The following NCOA4 variants were observed in gnomAD, a reference collection of about 807,000 sequenced individuals.
The protein encoded by NCOA4 is 70 kDa AR-activator.
A neutral mutation model predicts 69.5 loss-of-function variants in NCOA4; 31 were observed. The observed-to-expected ratio is 0.45, with a 90% CI of 0.34 to 0.60. The LOEUF (loss-of-function observed/expected upper bound fraction) is 0.60, where lower values mean the gene tolerates loss of function less well. Among genes scored for constraint, NCOA4 ranks in the 20% least tolerant of loss-of-function variants. The pLI is 0.02. For missense variants in NCOA4, 600 were observed against 719.2 expected, an observed-to-expected ratio of 0.83 and a Z score of 1.90; for synonymous variants, 228 against 252.4, an observed-to-expected ratio of 0.90 and a Z score of 0.92.
At chr10:46,018,519 G>A (rs1188760748) in intron 1 of NCOA4, among the ~76,000 whole-genome samples, 5 of 152,134 alleles carry the variant, frequency 3.3e-5, no homozygotes, top group African/African-American at 1.2e-4. Flanking sequence ...TTATTTCTGA[G>A]TAACACACTT....
rs1257268454 is a variant in NCOA4, at chr10:46,010,667, A to G, written c.1254T>C (p.Cys418=). ...EPCTSFAECV[C]DENCEKEALY... ...GAGCCTCCTTCTCACAATTCTCATC[A>G]CACACACACTCTGCAAAGCTTGTGC... is the stretch of plus-strand genomic sequence containing the variant. Residue 418 remains cysteine (C), a synonymous_variant, in exon 8 of 10, where the codon TGT becomes TGC. Transcript: ENST00000581486. 6.2e-7 allele frequency: 1 copy of G among 1,613,468 alleles called. No homozygotes were observed. The highest frequency in any genetic ancestry group is 2.2e-5 in the East Asian group (1 of 44,878).
intron 8 of NCOA4, among the ~76,000 whole-genome samples, chr10:46,009,961 G>A (rs1839102988): frequency 1.3e-5 from 2 of 152,136 alleles, no homozygotes; most frequent in South Asian, 4.1e-4. Flanking sequence ...AAGCTCAGGA[G>A]TTCAGAGACC....
chr10:46,012,101 AAACG>A (rs1839265735), intron 7 of NCOA4, among the ~76,000 whole-genome samples: 4 of 141,754 alleles, frequency 2.8e-5, no homozygotes, highest in Admixed American at 7.1e-5. Flanking sequence ...AAAAAAAAAA[AAACG>A]AAAAAAGAAA....
At position 46,012,070 on chromosome 10, in the gene NCOA4, G is replaced by GAAAAAAAAAAAAAAAAAAA. The variant is rs71026286; in HGVS notation, c.714+794_714+812dup. On this transcript the variant is annotated intron_variant, in intron 7 of 9. Coordinates refer to ENST00000581486, the MANE Select transcript of NCOA4 (RefSeq NM_001145263.2). The stretch of plus-strand genomic sequence containing the variant: ...AGCAAGACTCGGTCTCAAAAAGAAA[G>GAAAAAAAAAAAAAAAAAAA]AAAAAAAAAAAAAAAAAAAAAAAAA... 2.1e-3 allele frequency among the ~76,000 whole-genome samples: 92 copies of GAAAAAAAAAAAAAAAAAAA among 44,532 alleles called. 8 individuals carry two copies. The highest frequency in any genetic ancestry group is 2.5e-3 in the Non-Finnish European group (62 of 24,396). 29.2% of individuals were successfully genotyped at this position (44,532 alleles called of 152,430 possible).
chr10:46,018,086 GAAT>G (rs1839674650), intron 1 of NCOA4, among the ~76,000 whole-genome samples: 2 of 152,190 alleles, frequency 1.3e-5, no homozygotes, highest in South Asian at 4.1e-4. Flanking sequence ...CAATTAAACT[GAAT>G]AATAAGATTA....
At position 46,015,269 on chromosome 10, in the gene NCOA4, A is replaced by C; in HGVS notation, c.142-3T>G. Reference sequence around the variant, plus strand: ...CAACTGTGAATCTGAGCTTTGACCTAGGAAACACATACATGTTAGCTTCCT... The same window carrying C: ...CAACTGTGAATCTGAGCTTTGACCTCGGAAACACATACATGTTAGCTTCCT... On this transcript the variant is annotated splice_polypyrimidine_tract_variant and splice_region_variant and intron_variant, in intron 2 of 9. Transcript: ENST00000581486. The C allele has an allele frequency of 6.3e-7, 1 of 1,587,122 alleles. No homozygotes were observed. The highest frequency in any genetic ancestry group is 8.6e-7 in the Non-Finnish European group (1 of 1,164,022).
intron 1 of NCOA4, among the ~76,000 whole-genome samples, chr10:46,021,490 C>T (rs540448910): frequency 3.9e-5 from 6 of 152,254 alleles, no homozygotes; most frequent in African/African-American, 1.2e-4. Flanking sequence ...CTTGTTCTTC[C>T]TTTAGTGTAT....
intron 9 of NCOA4, among the ~76,000 whole-genome samples, chr10:46,008,670 G>A (rs1287925463): frequency 6.6e-5 from 10 of 152,210 alleles, no homozygotes; most frequent in Admixed American, 5.9e-4. Context: ...AAACTTAGTG[G>A]ATAAAGCAGC....
rs1354672910 is a variant in NCOA4, at chr10:46,030,611, G to A, written c.-100C>T. ...CACACTAACCTACGGCCCAAAGGCA[G>A]AGTTCTCGCGACAACACAATCTTCC... is the stretch of plus-strand genomic sequence containing the variant. On this transcript the variant is annotated 5_prime_UTR_variant, in exon 1 of 10. Transcript: ENST00000581486. The A allele has an allele frequency of 6.6e-6, 1 of 152,298 alleles. No homozygotes were observed. The highest frequency in any genetic ancestry group is 1.5e-5 in the Non-Finnish European group (1 of 68,104). 9.4% of individuals were successfully genotyped at this position (152,298 alleles called of 1,614,324 possible).
At chr10:46,023,357 GCT>G in intron 1 of NCOA4, 2 of 985,650 alleles carry the variant, frequency 2.0e-6, no homozygotes, top group South Asian at 9.4e-5. Flanking sequence ...CGACTCACCA[GCT>G]GCCCGGCAAG....
intron 1 of NCOA4, among the ~76,000 whole-genome samples, chr10:46,020,996 A>T (rs919420060): frequency 6.6e-6 from 1 of 152,220 alleles, no homozygotes; most frequent in Non-Finnish European, 1.5e-5. Flanking sequence ...GAAGTAAAGG[A>T]GGAGGAAACA....
At chr10:46,025,039 G>A (rs1300711935) in intron 1 of NCOA4, among the ~76,000 whole-genome samples, 1 of 152,220 alleles carries the variant, frequency 6.6e-6, no homozygotes, top group Non-Finnish European at 1.5e-5. Flanking sequence ...AGCAGGCTGA[G>A]ACATCCCATG....
At position 46,005,293 on chromosome 10, in the gene NCOA4, TA is replaced by T. The variant is rs1838749596; in HGVS notation, c.*1298del. ...GTTTTTGCCCACCACCTTTATATAA[TA>T]CTCCTAAATGATATCTGGGGAGGGA... On this transcript the variant is annotated 3_prime_UTR_variant, in exon 10 of 10. Transcript: ENST00000581486. The T allele has an allele frequency of 1.4e-5, 3 of 213,566 alleles. No individual in the cohort carries two copies. Among genetic ancestry groups the T allele is most frequent in the African/African-American group, 6.8e-5 (3 of 44,220 alleles). The allele number at this position is 213,566 out of a possible 1,614,324, so 13.2% of individuals were successfully genotyped here.
At chr10:46,030,392 G>C (rs1840397044) in intron 1 of NCOA4, 134 bp downstream of exon 1, 1 of 152,144 alleles carries the variant, frequency 6.6e-6, no homozygotes, top group Non-Finnish European at 1.5e-5. Context: ...GCCCGGGCCT[G>C]GCGTGTGGAG....
chr10:46,025,079 G>A (rs1840087224), intron 1 of NCOA4, among the ~76,000 whole-genome samples: 2 of 152,164 alleles, frequency 1.3e-5, no homozygotes, highest in African/African-American at 4.8e-5. Flanking sequence ...GAGACCCTGG[G>A]ATGCCAGTAC....
At chr10:46,013,134 G>A (rs1839335081) in intron 6 of NCOA4, 108 bp from the exon 7 acceptor site, 1 of 1,019,024 alleles carries the variant, frequency 9.8e-7, no homozygotes, top group South Asian at 1.5e-5. Flanking sequence ...CAAATCATGT[G>A]CCTTCCAAGA....
chr10:46,009,378 A>G (rs1839060880), intron 9 of NCOA4, 33 bp downstream of exon 9: 5 of 1,590,640 alleles, frequency 3.1e-6, no homozygotes, highest in Non-Finnish European at 4.3e-6. Context: ...AAATAGCTAT[A>G]ATCTAATTTT....
At chr10:46,026,863 G>A (rs1554925581) in intron 1 of NCOA4, among the ~76,000 whole-genome samples, 1 of 152,160 alleles carries the variant, frequency 6.6e-6, no homozygotes, top group African/African-American at 2.4e-5. Flanking sequence ...TGCTGCATAA[G>A]AGGAATATTA....
Position 46,010,834 on chromosome 10 carries a change from G to C in NCOA4, c.1087C>G (p.Leu363Val), listed in dbSNP as rs781941019. ...TCATTCAGGCACTTCAGATTGCCCAGGTTTTCAATCTCCACACCTTTGGGC... is the reference window on the plus strand; with the variant it reads ...TCATTCAGGCACTTCAGATTGCCCACGTTTTCAATCTCCACACCTTTGGGC... ...NQPKGVEIEN[L>V]GNLKCLNDHL... Residue 363 changes from leucine to valine, a missense_variant, in exon 8 of 10, where the codon CTG becomes GTG. Physicochemically the swap from Leu to Val is conservative, Grantham distance 32. Coordinates refer to ENST00000581486, the MANE Select transcript of NCOA4 (RefSeq NM_001145263.2). 6.8e-6 allele frequency: 11 copies of C among 1,613,824 alleles called. No individual in the cohort carries two copies. Among genetic ancestry groups the C allele is most frequent in the Non-Finnish European group, 9.3e-6 (11 of 1,179,866 alleles).
Sources: gnomAD v4.1 joint callset for allele counts (sites outside exome capture counted in the v4.1 genomes callset) on GRCh38, gnomAD v4.1.1 for gene constraint, MANE v1.5 for transcripts, NCBI Gene and HGNC (gene_info 2026-07-23, HGNC 2026-07-21) for gene names.